Variants in CEP70 observed in about 807,000 individuals in gnomAD.
CEP70 encodes the protein centrosomal protein 70, also known as centrosomal protein of 70 kDa.
A neutral mutation model predicts 90.9 loss-of-function variants in CEP70; 70 were observed. The ratio of observed to expected loss-of-function variants is 0.77; its 90% confidence interval spans 0.64 to 0.94. CEP70 has a LOEUF of 0.94. Ranked by LOEUF, CEP70 falls within the 40% of genes least tolerant of loss-of-function variation. The pLI, the probability that CEP70 is intolerant of heterozygous loss-of-function variation, is 0.00. For missense variants in CEP70, 648 were observed against 669.0 expected (o/e 0.97, Z 0.35); for synonymous variants, 220 against 228.3 (o/e 0.96, Z 0.33).
At chr3:138,562,694 T>C (rs1024956760) in intron 6 of CEP70, among the ~76,000 whole-genome samples, 1 of 151,994 alleles carries the variant, frequency 6.6e-6, no homozygotes, top group African/African-American at 2.4e-5. Flanking sequence ...TTACAAGAGC[T>C]CCTGAAGGAA....
intron 6 of CEP70, among the ~76,000 whole-genome samples, chr3:138,569,204 C>T (rs1346011642): frequency 3.3e-5 from 5 of 152,110 alleles, no homozygotes; most frequent in Non-Finnish European, 7.4e-5. Flanking sequence ...TTAATTCTCT[C>T]GGACTCCATG....
chr3:138,506,911 A>AT (rs1671424392), intron 12 of CEP70, among the ~76,000 whole-genome samples: 2 of 151,572 alleles, frequency 1.3e-5, no homozygotes, highest in African/African-American at 4.9e-5. Context: ...CAGCTAATTA[A>AT]ATTTTTTTTT....
chr3:138,562,437 A>C (rs1003238362), intron 6 of CEP70, among the ~76,000 whole-genome samples: 4 of 152,180 alleles, frequency 2.6e-5, no homozygotes, highest in African/African-American at 9.7e-5. Context: ...ATGAAGGAAA[A>C]AATGTTAAGG....
intron 6 of CEP70, among the ~76,000 whole-genome samples, chr3:138,543,658 C>T (rs1240611005): frequency 6.6e-6 from 1 of 152,216 alleles, no homozygotes; most frequent in Non-Finnish European, 1.5e-5. Context: ...TGCACCTCCT[C>T]CACTGCTGGC....
chr3:138,572,819 A>G, intron 3 of CEP70, 40 bp downstream of exon 3: 1 of 1,256,228 alleles, frequency 8.0e-7, no homozygotes, highest in Admixed American at 1.7e-5. Context: ...TCTTTGGCAC[A>G]TATTTTGAGA....
intron 13 of CEP70, among the ~76,000 whole-genome samples, chr3:138,504,802 A>G (rs149385795): frequency 1.2e-4 from 18 of 152,338 alleles, no homozygotes; most frequent in Admixed American, 5.9e-4. Flanking sequence ...TCTGTTCTAG[A>G]GAATAAGCAG....
intron 3 of CEP70, among the ~76,000 whole-genome samples, chr3:138,572,424 G>C (rs943563721): frequency 6.6e-6 from 1 of 152,162 alleles, no homozygotes; most frequent in Admixed American, 6.5e-5. Context: ...CAAAAGCTCT[G>C]AGTTAGTGTC....
chr3:138,516,700 C>A (rs115697358), intron 11 of CEP70, among the ~76,000 whole-genome samples: 12 of 152,238 alleles, frequency 7.9e-5, no homozygotes, highest in African/African-American at 2.9e-4. Flanking sequence ...TTATTTTAAC[C>A]CAGTATGTAA....
chr3:138,505,489 A>C (rs745936328), intron 12 of CEP70, 24 bp from the exon 13 acceptor site: 2 of 1,492,924 alleles, frequency 1.3e-6, no homozygotes, highest in Non-Finnish European at 1.8e-6. Flanking sequence ...TAGTGTATAT[A>C]GTCAAAATAT....
At chr3:138,548,328 C>T (rs553210338) in intron 6 of CEP70, among the ~76,000 whole-genome samples, 10 of 152,266 alleles carry the variant, frequency 6.6e-5, no homozygotes, top group Non-Finnish European at 1.2e-4. Flanking sequence ...AAACTTTAGC[C>T]CCCAAAGCTA....
At chr3:138,537,974 G>C (rs554248074) in intron 6 of CEP70, among the ~76,000 whole-genome samples, 25 of 152,082 alleles carry the variant, frequency 1.6e-4, no homozygotes, top group Non-Finnish European at 3.2e-4. Flanking sequence ...ATTTCAAGCA[G>C]ATGGTAAGAG....
At position 138,500,326 on chromosome 3, in the gene CEP70, T is replaced by C. The variant is rs973396545; in HGVS notation, c.1537+73A>G. 48 of 1,522,504 alleles carry C rather than the reference T, an allele frequency of 3.2e-5. No homozygotes were observed. The South Asian group carries it at 5.9e-4, about 19-fold the overall frequency. 94.3% of individuals were successfully genotyped at this position (1,522,504 alleles called of 1,614,324 possible). A position where few individuals can be genotyped will look rare whatever the true frequency, so the allele number is the denominator to read the frequency against. ...TATCCTCAATTTTTCACTTAAACAT[T>C]TTTTAATCTACTTTTTGTTAATTTA... On this transcript the variant is annotated intron_variant, in intron 15 of 17. Transcript: ENST00000264982.
chr3:138,538,472 A>G (rs2038475570), intron 6 of CEP70, among the ~76,000 whole-genome samples: 1 of 152,188 alleles, frequency 6.6e-6, no homozygotes, highest in South Asian at 2.1e-4. Context: ...ACCAAGAAGG[A>G]AGCAGTGACC....
chr3:138,572,718 ACCATTTCAT>A (rs2041260019), intron 3 of CEP70, 132 bp downstream of exon 3: 4 of 679,680 alleles, frequency 5.9e-6, no homozygotes, highest in Non-Finnish European at 1.0e-5. Context: ...GAGTAATTAA[ACCATTTCAT>A]AGTCTTTAAC....
At chr3:138,583,093 T>C (rs1242393849) in intron 2 of CEP70, among the ~76,000 whole-genome samples, 1 of 152,018 alleles carries the variant, frequency 6.6e-6, no homozygotes, top group Non-Finnish European at 1.5e-5. Flanking sequence ...TAAAGACACA[T>C]ATAGACTGAA....
intron 13 of CEP70, among the ~76,000 whole-genome samples, chr3:138,502,594 T>C (rs2034615892): frequency 6.6e-6 from 1 of 151,350 alleles, no homozygotes; most frequent in Admixed American, 6.6e-5. Flanking sequence ...TAACCAATGC[T>C]CCAGGAACAA....
At chr3:138,519,172 T>C (rs1292121575) in intron 11 of CEP70, among the ~76,000 whole-genome samples, 6 of 152,086 alleles carry the variant, frequency 3.9e-5, no homozygotes, top group Non-Finnish European at 8.8e-5. Flanking sequence ...CCAAGAAACA[T>C]GGGACTATGT....
chr3:138,576,801 C>G (rs1216317630), intron 2 of CEP70, among the ~76,000 whole-genome samples: 2 of 152,224 alleles, frequency 1.3e-5, no homozygotes, highest in Non-Finnish European at 2.9e-5. Flanking sequence ...AAGAAACTCA[C>G]TCAAAACCGC....
chr3:138,592,620 G>C (rs2042439965), intron 1 of CEP70, among the ~76,000 whole-genome samples: 1 of 152,170 alleles, frequency 6.6e-6, no homozygotes, highest in African/African-American at 2.4e-5. Flanking sequence ...GCCAAGCATA[G>C]AAAAGCAAAA....
Sources: allele counts gnomAD v4.1 joint callset (sites outside exome capture counted in the v4.1 genomes callset), GRCh38; gene constraint gnomAD v4.1.1; transcripts MANE v1.5; gene names NCBI Gene and HGNC (gene_info 2026-07-23, HGNC 2026-07-21).